The following CENPS variants were observed in gnomAD, a reference collection of about 807,000 sequenced individuals.
CENPS encodes the protein centromere protein S.
CENPS carries 16 observed loss-of-function variants against 17.9 expected under a neutral mutation model. The ratio of observed to expected loss-of-function variants is 0.90; its 90% confidence interval spans 0.61 to 1.36. CENPS has a LOEUF of 1.36. Among genes scored for constraint, CENPS ranks in the 40% most tolerant of loss-of-function variants. The pLI is 0.00. For synonymous variants in CENPS, 49 were observed against 55.8 expected (o/e 0.88, Z 0.54); for missense variants, 160 against 158.6 (o/e 1.01, Z -0.05).
intron 1 of CENPS, 112 bp from the exon 2 acceptor site, chr1:10,433,730 A>G: frequency 1.3e-6 from 2 of 1,517,570 alleles, no homozygotes; most frequent in Non-Finnish European, 1.8e-6. Flanking sequence ...CATTATGGAA[A>G]GCGCCAGAGG....
intron 1 of CENPS, among the ~76,000 whole-genome samples, chr1:10,431,707 A>G (rs560681749): frequency 6.6e-5 from 10 of 152,148 alleles, no homozygotes; most frequent in African/African-American, 2.4e-4. Flanking sequence ...TACAAAAATT[A>G]GCCGAGTGTG....
chr1:10,441,620 C>CTTTTTT (rs34369229), intron 4 of CENPS, among the ~76,000 whole-genome samples: 8 of 48,332 alleles, frequency 1.7e-4, no homozygotes, highest in Non-Finnish European at 2.5e-4. Context: ...GGCTACAACT[C>CTTTTTT]TTTTTTTTTT....
intron 1 of CENPS, 172 bp downstream of exon 1, chr1:10,430,740 C>T (rs1045128272): frequency 3.9e-5 from 55 of 1,405,378 alleles, no homozygotes; most frequent in East Asian, 5.8e-5. Flanking sequence ...GAGGCGGTTT[C>T]CGCGGCAACG....
At chr1:10,434,092 G>T in intron 2 of CENPS, 127 bp downstream of exon 2, 1 of 1,500,932 alleles carries the variant, frequency 6.7e-7, no homozygotes, top group Non-Finnish European at 8.9e-7. Flanking sequence ...ATCCTCATGC[G>T]TTCTTCGTGA....
chr1:10,432,859 A>G (rs1328778323), intron 1 of CENPS, among the ~76,000 whole-genome samples: 1 of 152,062 alleles, frequency 6.6e-6, no homozygotes, highest in Non-Finnish European at 1.5e-5. Flanking sequence ...CACACCTGTG[A>G]TCTTCGTGCC....
At chr1:10,440,957 T>C (rs1378683322) in intron 4 of CENPS, among the ~76,000 whole-genome samples, 1 of 152,196 alleles carries the variant, frequency 6.6e-6, no homozygotes, top group Non-Finnish European at 1.5e-5. Flanking sequence ...CTGAGTGTAA[T>C]GCTAGACATT....
intron 4 of CENPS, 98 bp from the exon 5 acceptor site, chr1:10,442,167 G>A (rs1640444424): frequency 1.4e-6 from 2 of 1,438,410 alleles, no homozygotes; most frequent in African/African-American, 3.0e-5. Context: ...AATTCTTTGA[G>A]TCAGAGGTGG....
chr1:10,438,480 C>T (rs899232953), intron 3 of CENPS, among the ~76,000 whole-genome samples: 3 of 152,138 alleles, frequency 2.0e-5, no homozygotes, highest in East Asian at 1.9e-4. Flanking sequence ...TTTGAAATCT[C>T]TAGTCTCCTA....
At chr1:10,440,269 G>C (rs1012990930) in intron 3 of CENPS, 78 bp from the exon 4 acceptor site, 3 of 1,558,660 alleles carry the variant, frequency 1.9e-6, no homozygotes, top group Non-Finnish European at 2.6e-6. Context: ...TTTGAAGTCT[G>C]ACCGTGAACT....
rs1243853763 is a variant in CENPS, at chr1:10,430,485, C to G, written c.-33C>G. 14 of 1,534,406 alleles carry G rather than the reference C, an allele frequency of 9.1e-6. No homozygotes were observed. The highest frequency in any genetic ancestry group is 1.2e-5 in the South Asian group (1 of 82,668). On this transcript the variant is annotated 5_prime_UTR_variant, in exon 1 of 5. Coordinates refer to ENST00000309048, the MANE Select transcript of CENPS (RefSeq NM_199294.3). ...CCGCGCACCACCGCCCCTTCTCGGC[C>G]CTCCTGCGTTTGCCCAGGGTCGGCC...
chr1:10,431,246 C>T (rs1273561483), intron 1 of CENPS: 4 of 1,533,526 alleles, frequency 2.6e-6, no homozygotes, highest in Non-Finnish European at 3.5e-6. Flanking sequence ...AAAGCAAGAC[C>T]CGGAGTGGCG....
At chr1:10,438,148 TTTTG>T (rs1445704240) in intron 3 of CENPS, among the ~76,000 whole-genome samples, 1 of 151,928 alleles carries the variant, frequency 6.6e-6, no homozygotes, top group Non-Finnish European at 1.5e-5. Flanking sequence ...TTTTGTTTTG[TTTTG>T]TTTGTTTTTT....
intron 1 of CENPS, 113 bp downstream of exon 1, chr1:10,430,681 C>T (rs950865178): frequency 1.4e-6 from 2 of 1,423,586 alleles, no homozygotes; most frequent in Non-Finnish European, 1.8e-6. Context: ...CCCCCGGGCG[C>T]CCCCCGCGGC....
intron 3 of CENPS, 60 bp downstream of exon 3, chr1:10,434,750 T>G (rs1483859129): frequency 6.5e-7 from 1 of 1,542,976 alleles, no homozygotes; most frequent in Non-Finnish European, 8.7e-7. Context: ...GGCCTCTCCA[T>G]CTGGTGGGTT....
intron 3 of CENPS, among the ~76,000 whole-genome samples, chr1:10,439,133 TA>T (rs1279706585): frequency 6.6e-6 from 1 of 152,236 alleles, no homozygotes; most frequent in Non-Finnish European, 1.5e-5. Context: ...TAGCAGAATG[TA>T]AAGGATTAAT....
intron 1 of CENPS, 67 bp downstream of exon 1, chr1:10,430,635 C>T (rs1639858604): frequency 1.3e-6 from 2 of 1,483,256 alleles, no homozygotes; most frequent in Non-Finnish European, 1.8e-6. Context: ...CAGAAAAGTA[C>T]CCGGCAGCCC....
At chr1:10,433,465 G>A (rs1338265186) in intron 1 of CENPS, among the ~76,000 whole-genome samples, 1 of 152,304 alleles carries the variant, frequency 6.6e-6, no homozygotes, top group East Asian at 1.9e-4. Context: ...TCCCTGCCCG[G>A]TTTTTCATTG....
At chr1:10,441,341 G>T (rs1640400443) in intron 4 of CENPS, among the ~76,000 whole-genome samples, 2 of 141,076 alleles carry the variant, frequency 1.4e-5, no homozygotes. Context: ...TTTTTTGACG[G>T]GGTCTCACTT....
At chr1:10,437,785 G>T (rs2124275653) in intron 3 of CENPS, among the ~76,000 whole-genome samples, 1 of 101,014 alleles carries the variant, frequency 9.9e-6, no homozygotes. Context: ...TTTTTTTTGA[G>T]ACAGAGTCTC....
Sources: allele counts gnomAD v4.1 joint callset (sites outside exome capture counted in the v4.1 genomes callset), GRCh38; gene constraint gnomAD v4.1.1; transcripts MANE v1.5; gene names NCBI Gene and HGNC (gene_info 2026-07-23, HGNC 2026-07-21).